Variants in ANKIB1 observed in about 807,000 individuals in gnomAD.
ANKIB1 encodes ankyrin repeat and IBR domain containing 1, also known as ankyrin repeat and IBR domain-containing protein 1.
ANKIB1 carries 43 observed loss-of-function variants against 122.1 expected under a neutral mutation model. That is an observed-to-expected ratio of 0.35 (90% CI 0.28 to 0.45). ANKIB1 has a LOEUF of 0.45. Ranked by LOEUF, ANKIB1 falls within the 20% of genes least tolerant of loss-of-function variation. The pLI is 1.00. For synonymous variants in ANKIB1, 390 were observed against 442.0 expected (o/e 0.88, Z 1.48); for missense variants, 992 against 1,329.5 (o/e 0.75, Z 3.95).
Position 92,248,153 on chromosome 7 carries a change from A to G in ANKIB1, c.-91+1634A>G, listed in dbSNP as rs367596643. 2.6e-5 allele frequency among the ~76,000 whole-genome samples: 4 copies of G among 152,286 alleles called. 1 individual carries two copies. ...GGGCGCTATCTTGGAGAAGTCTTAG[A>G]AAAAATGTTGTTGATTCTCTTTTCC... On this transcript the variant is annotated intron_variant, in intron 1 of 19. Coordinates refer to ENST00000265742, the MANE Select transcript of ANKIB1 (RefSeq NM_019004.2).
chr7:92,304,944 C>T (rs1802528823), intron 2 of ANKIB1, among the ~76,000 whole-genome samples: 1 of 152,090 alleles, frequency 6.6e-6, no homozygotes, highest in African/African-American at 2.4e-5. Flanking sequence ...CATGTATATT[C>T]AGAAGATTGA....
rs1247743884 is a variant in ANKIB1 at position 92,307,346 on chromosome 7, C to T, written c.189-13C>T. ...ATTTTCATCCTTTATTTTTCCCTTT[C>T]TTTCCATTTTAGGACTTTTCTTGGT... On this transcript the variant is annotated splice_polypyrimidine_tract_variant and intron_variant, in intron 2 of 19. Coordinates refer to ENST00000265742, the MANE Select transcript of ANKIB1 (RefSeq NM_019004.2). 1 of 1,594,222 alleles carries T rather than the reference C, an allele frequency of 6.3e-7. No individual in the cohort carries two copies. The highest frequency in any genetic ancestry group is 1.3e-5 in the African/African-American group (1 of 74,234).
intron 12 of ANKIB1, among the ~76,000 whole-genome samples, chr7:92,387,518 C>T (rs2115697829): frequency 6.6e-6 from 1 of 152,180 alleles, no homozygotes; most frequent in East Asian, 1.9e-4. Context: ...CTCCTGTAAT[C>T]CCAGCTACTC....
At chr7:92,311,545 C>T (rs1024075986) in intron 3 of ANKIB1, among the ~76,000 whole-genome samples, 27 of 151,946 alleles carry the variant, frequency 1.8e-4, no homozygotes, top group African/African-American at 4.6e-4. Context: ...CTCTAGCTGT[C>T]GAAAATGTTT....
Position 92,246,399 on chromosome 7 carries a change from G to T in ANKIB1, c.-211G>T, listed in dbSNP as rs762067393. 3 of 502,634 alleles carry T rather than the reference G, an allele frequency of 6.0e-6. No homozygotes were observed. Among genetic ancestry groups the T allele is most frequent in the Admixed American group, 4.1e-5 (2 of 49,220 alleles). The allele number at this position is 502,634 out of a possible 1,614,324, so 31.1% of individuals were successfully genotyped here. ...CCGGCGAGGAAGGGGCAACCGTCCGGGTGGGTGGGGCGGGCTGGGTACCTG... is the reference window on the plus strand; with the variant it reads ...CCGGCGAGGAAGGGGCAACCGTCCGTGTGGGTGGGGCGGGCTGGGTACCTG... On this transcript the variant is annotated 5_prime_UTR_variant, in exon 1 of 20. Coordinates refer to ENST00000265742, the MANE Select transcript of ANKIB1 (RefSeq NM_019004.2).
At chr7:92,304,222 T>C (rs959415118) in intron 2 of ANKIB1, among the ~76,000 whole-genome samples, 1 of 152,160 alleles carries the variant, frequency 6.6e-6, no homozygotes, top group African/African-American at 2.4e-5. Context: ...TCAATAAAAT[T>C]AGAATATTCA....
At chr7:92,258,943 T>G (rs777296831) in intron 1 of ANKIB1, among the ~76,000 whole-genome samples, 8 of 152,058 alleles carry the variant, frequency 5.3e-5, no homozygotes, top group Non-Finnish European at 7.4e-5. Flanking sequence ...TTTGGAGTTT[T>G]TTTTGTTTTG....
chr7:92,367,883 C>T (rs578059651), intron 10 of ANKIB1, among the ~76,000 whole-genome samples: 3 of 152,116 alleles, frequency 2.0e-5, no homozygotes, highest in Non-Finnish European at 4.4e-5. Flanking sequence ...TGACTAGGTG[C>T]AGTGGTTTAC....
In ANKIB1 at chr7:92,295,045, A is replaced by G; in HGVS notation, c.67A>G (p.Ile23Val). The G allele has an allele frequency of 6.2e-7, 1 of 1,604,852 alleles. No individual in the cohort carries two copies. The highest frequency in any genetic ancestry group is 1.1e-5 in the South Asian group (1 of 88,666). Residue 23 changes from isoleucine to valine, a missense_variant, in exon 2 of 20, where the codon ATA becomes GTA. This residue lies in a region of ANKIB1 where 54 missense variants were observed against 112.3 expected (regional missense o/e 0.48). Coordinates refer to ENST00000265742, the MANE Select transcript of ANKIB1 (RefSeq NM_019004.2). ...TGGTGATGAAAACCTGGCCTGCCAA[A>G]TATATGAAAACAATCCTCAGCTAAA... is the stretch of plus-strand genomic sequence containing the variant. ...INGDENLACQ[I>V]YENNPQLKES...
chr7:92,355,797 C>T (rs1031249705), intron 9 of ANKIB1, among the ~76,000 whole-genome samples: 7 of 150,946 alleles, frequency 4.6e-5, no homozygotes, highest in East Asian at 1.9e-4. Context: ...TGCAGTGAGC[C>T]GAGATCAAGC....
intron 10 of ANKIB1, among the ~76,000 whole-genome samples, chr7:92,370,246 C>A (rs1179569674): frequency 6.6e-6 from 1 of 151,882 alleles, no homozygotes; most frequent in Non-Finnish European, 1.5e-5. Flanking sequence ...CGGTGGCTCA[C>A]TCCTGTAATC....
At chr7:92,309,940 A>ATATATATATATAT (rs57536267) in intron 3 of ANKIB1, among the ~76,000 whole-genome samples, 2 of 105,298 alleles carry the variant, frequency 1.9e-5, no homozygotes, top group African/African-American at 7.7e-5. Flanking sequence ...AAAAAAAAAA[A>ATATATATATATAT]AAATATATAT....
intron 1 of ANKIB1, among the ~76,000 whole-genome samples, chr7:92,264,838 A>G (rs1410974701): frequency 6.6e-6 from 1 of 152,072 alleles, no homozygotes; most frequent in Non-Finnish European, 1.5e-5. Context: ...AGAATAGACA[A>G]ACACTAAACA....
At chr7:92,246,606 C>A in intron 1 of ANKIB1, 87 bp downstream of exon 1, 1 of 472,356 alleles carries the variant, frequency 2.1e-6, no homozygotes, top group Non-Finnish European at 4.2e-6. Context: ...ACTTCACACC[C>A]TCCCGGATCT....
At chr7:92,271,397 C>T (rs1441348830) in intron 1 of ANKIB1, among the ~76,000 whole-genome samples, 1 of 152,118 alleles carries the variant, frequency 6.6e-6, no homozygotes, top group Non-Finnish European at 1.5e-5. Context: ...TAGTGTGTTT[C>T]CTTGAACCTT....
intron 10 of ANKIB1, among the ~76,000 whole-genome samples, chr7:92,364,193 A>T (rs1278644272): frequency 6.6e-6 from 1 of 151,628 alleles, no homozygotes; most frequent in African/African-American, 2.4e-5. Context: ...TGCGCCTGTA[A>T]TCCCAGCTAC....
chr7:92,321,068 C>T (rs1450907703), intron 4 of ANKIB1, among the ~76,000 whole-genome samples: 2 of 151,994 alleles, frequency 1.3e-5, no homozygotes, highest in Non-Finnish European at 2.9e-5. Context: ...GGTCTCCTCT[C>T]TTCCCGTTAT....
At chr7:92,248,863 ACTTTTTTTCTTTTTTCTTTTCTTT>A (rs1801258623) in intron 1 of ANKIB1, among the ~76,000 whole-genome samples, 1 of 145,042 alleles carries the variant, frequency 6.9e-6, no homozygotes, top group Non-Finnish European at 1.5e-5. Context: ...TTTTCCAGAT[ACTTTTTTTCTTTTTTCTTTTCTTT>A]CTTTTTTTTT....
rs1156565571 is a variant in ANKIB1 at position 92,400,486 on chromosome 7, A to G, written c.*1537A>G. 1.3e-5 allele frequency: 2 copies of G among 152,232 alleles called. No homozygotes were observed. The highest frequency in any genetic ancestry group is 2.9e-5 in the Non-Finnish European group (2 of 68,036). The allele number at this position is 152,232 out of a possible 1,614,324, so 9.4% of individuals were successfully genotyped here. On this transcript the variant is annotated 3_prime_UTR_variant, in exon 20 of 20. Transcript: ENST00000265742. ...TTGTTACCAGAAGTCTACAGATACC[A>G]AACTTTCAGTTCTGAGTTTGTACAG...
Sources: gnomAD v4.1 joint callset for allele counts (sites outside exome capture counted in the v4.1 genomes callset) on GRCh38, gnomAD v4.1.1 for gene constraint, gnomAD v4.1.1 regional missense constraint, MANE v1.5 for transcripts, NCBI Gene and HGNC (gene_info 2026-07-23, HGNC 2026-07-21) for gene names.